CCBE1: variants seen among roughly 807,000 people sequenced by gnomAD.
CCBE1 encodes the protein collagen and calcium-binding EGF domain-containing protein 1.
Under a neutral mutation model 50.0 loss-of-function variants are expected in CCBE1, and 37 were observed. The ratio of observed to expected loss-of-function variants is 0.74; its 90% CI spans 0.57 to 0.97. The LOEUF is 0.97. Ranked by LOEUF, CCBE1 falls within the 50% of genes least tolerant of loss-of-function variation. CCBE1 has a pLI of 0.00. For synonymous variants in CCBE1, 234 were observed against 203.7 expected (o/e 1.15, Z -1.27); for missense variants, 538 against 523.8 (o/e 1.03, Z -0.26).
chr18:59,454,544 C>A (rs1911089098), intron 6 of CCBE1, among the ~76,000 whole-genome samples: 1 of 152,244 alleles, frequency 6.6e-6, no homozygotes, highest in East Asian at 1.9e-4. Context: ...CCGCACCCGG[C>A]TGGAAATTTA....
At chr18:59,611,457 T>C (rs1383297776) in intron 2 of CCBE1, among the ~76,000 whole-genome samples, 2 of 152,156 alleles carry the variant, frequency 1.3e-5, no homozygotes, top group Non-Finnish European at 2.9e-5. Context: ...CAAGAAGCAT[T>C]TTTCGGGCCA....
intron 2 of CCBE1, among the ~76,000 whole-genome samples, chr18:59,599,220 G>A (rs777645603): frequency 1.3e-5 from 2 of 152,088 alleles, no homozygotes; most frequent in African/African-American, 4.8e-5. Context: ...AGAGATGAAG[G>A]CTGGGTGAAG....
chr18:59,591,715 T>C (rs1475802851), intron 2 of CCBE1, among the ~76,000 whole-genome samples: 2 of 152,192 alleles, frequency 1.3e-5, no homozygotes, highest in Non-Finnish European at 1.5e-5. Context: ...GCATACAAAC[T>C]GGTTCAATCC....
chr18:59,678,343 C>A (rs2054537328), intron 2 of CCBE1, among the ~76,000 whole-genome samples: 1 of 152,126 alleles, frequency 6.6e-6, no homozygotes, highest in South Asian at 2.1e-4. Flanking sequence ...TTGATTCTAA[C>A]TGCTGCAATT....
At chr18:59,525,802 C>T (rs917978236) in intron 2 of CCBE1, among the ~76,000 whole-genome samples, 3 of 152,136 alleles carry the variant, frequency 2.0e-5, no homozygotes, top group Admixed American at 1.3e-4. Flanking sequence ...TTTCGATTTT[C>T]TGCATATGAC....
At chr18:59,500,608 CCA>C (rs1913572463) in intron 2 of CCBE1, among the ~76,000 whole-genome samples, 1 of 152,100 alleles carries the variant, frequency 6.6e-6, no homozygotes, top group Non-Finnish European at 1.5e-5. Flanking sequence ...CTGCCTAGAC[CCA>C]CAGTTTGATA....
chr18:59,659,065 C>T (rs565475061), intron 2 of CCBE1, among the ~76,000 whole-genome samples: 14 of 152,158 alleles, frequency 9.2e-5, no homozygotes, highest in Non-Finnish European at 2.1e-4. Context: ...GAAAAGCAAG[C>T]GAGCCCGTGC....
At chr18:59,487,295 A>G (rs187146589) in intron 2 of CCBE1, among the ~76,000 whole-genome samples, 31 of 152,086 alleles carry the variant, frequency 2.0e-4, no homozygotes, top group Admixed American at 2.0e-3. Context: ...TACAGAGAAC[A>G]TGATCTCCTG....
chr18:59,485,584 A>ATATTTATTTATTTATT lies in CCBE1; in HGVS notation c.213-5362_213-5347dup, dbSNP rs60888501. On this transcript the variant is annotated intron_variant, in intron 2 of 10. Coordinates refer to ENST00000439986, the MANE Select transcript of CCBE1 (RefSeq NM_133459.4). ...CTTATTCATGCGCCAGATATATCAG[A>ATATTTATTTATTTATT]TATTTATTTATTTATTTATTTATTT... Among the ~76,000 whole-genome samples, 1,006 of 140,864 alleles carry ATATTTATTTATTTATT rather than the reference A, an allele frequency of 7.1e-3. 9 individuals carry two copies. The highest frequency in any genetic ancestry group is 0.015 in the African/African-American group (557 of 37,812). 92.4% of individuals were successfully genotyped at this position (140,864 alleles called of 152,430 possible).
At chr18:59,543,834 C>CAAAAAAAAAAAAACA (rs1915568723) in intron 2 of CCBE1, among the ~76,000 whole-genome samples, 1 of 69,026 alleles carries the variant, frequency 1.4e-5, no homozygotes, top group African/African-American at 7.2e-5. Flanking sequence ...GACTCCGTCT[C>CAAAAAAAAAAAAACA]AAAAAAAAAA....
intron 2 of CCBE1, among the ~76,000 whole-genome samples, chr18:59,612,189 C>T (rs879374125): frequency 6.6e-6 from 1 of 151,812 alleles, no homozygotes; most frequent in Non-Finnish European, 1.5e-5. Context: ...AATTCTTTGG[C>T]AGAAGCACTG....
chr18:59,497,202 A>C lies in CCBE1; in HGVS notation c.213-16964T>G, dbSNP rs144672973. Among the ~76,000 whole-genome samples, 329 of 152,316 alleles carry C rather than the reference A, an allele frequency of 2.2e-3. 2 individuals are homozygous for C. The highest frequency in any genetic ancestry group is 3.9e-3 in the Non-Finnish European group (264 of 68,030). ...TTAAGTATATATTAAATGAATGTTT[A>C]TAATAGTTACGATGAAGCTCTGTGA... On this transcript the variant is annotated intron_variant, in intron 2 of 10. Transcript: ENST00000439986.
At chr18:59,532,510 G>A (rs1047269908) in intron 2 of CCBE1, among the ~76,000 whole-genome samples, 1 of 152,206 alleles carries the variant, frequency 6.6e-6, no homozygotes, top group African/African-American at 2.4e-5. Flanking sequence ...GGCTACTGGT[G>A]TTATGCTTTG....
At chr18:59,455,268 G>A (rs1361226706) in intron 5 of CCBE1, 1 of 436,902 alleles carries the variant, frequency 2.3e-6, no homozygotes, top group Admixed American at 3.4e-5. Flanking sequence ...TTTTCCAGAA[G>A]GCAGGCTCTA....
intron 2 of CCBE1, among the ~76,000 whole-genome samples, chr18:59,588,552 G>A (rs1209501478): frequency 6.6e-6 from 1 of 152,122 alleles, no homozygotes; most frequent in African/African-American, 2.4e-5. Context: ...CACGCAGTAT[G>A]TTTTCTTTTT....
intron 2 of CCBE1, among the ~76,000 whole-genome samples, chr18:59,524,194 C>A (rs1914721682): frequency 6.6e-6 from 1 of 152,106 alleles, no homozygotes; most frequent in Admixed American, 6.5e-5. Flanking sequence ...GTGGTACATG[C>A]CCGTAATCCC....
At chr18:59,565,113 AC>A (rs2052801183) in intron 2 of CCBE1, among the ~76,000 whole-genome samples, 1 of 152,150 alleles carries the variant, frequency 6.6e-6, no homozygotes, top group African/African-American at 2.4e-5. Flanking sequence ...GGCAAGGGCC[AC>A]CCTTCAGGGG....
chr18:59,536,634 A>C (rs1348504862), intron 2 of CCBE1, among the ~76,000 whole-genome samples: 1 of 152,238 alleles, frequency 6.6e-6, no homozygotes, highest in Non-Finnish European at 1.5e-5. Flanking sequence ...CCAATGCAAC[A>C]GCCATGAAAA....
intron 2 of CCBE1, among the ~76,000 whole-genome samples, chr18:59,677,259 T>G (rs796642522): frequency 1.3e-5 from 2 of 152,160 alleles, no homozygotes; most frequent in Admixed American, 1.3e-4. Context: ...GATAAAAGAT[T>G]TGATGCAAAG....
Sources: allele counts gnomAD v4.1 joint callset (sites outside exome capture counted in the v4.1 genomes callset), GRCh38; gene constraint gnomAD v4.1.1; transcripts MANE v1.5; gene names NCBI Gene and HGNC (gene_info 2026-07-23, HGNC 2026-07-21).